The following PDE9A variants were observed in gnomAD, a reference collection of about 807,000 sequenced individuals.
PDE9A encodes phosphodiesterase 9A, also known as high affinity cGMP-specific 3',5'-cyclic phosphodiesterase 9A.
In PDE9A, 60 loss-of-function variants were observed where a neutral mutation model predicts 87.4. The ratio of observed to expected loss-of-function variants is 0.69; its 90% CI spans 0.56 to 0.85. PDE9A has a LOEUF of 0.85. Ranked by LOEUF, PDE9A falls within the 40% of genes least tolerant of loss-of-function variation. The pLI, the probability that PDE9A is intolerant of heterozygous loss-of-function variation, is 0.00. For synonymous variants in PDE9A, 272 were observed against 279.4 expected (o/e 0.97, Z 0.27); for missense variants, 665 against 779.0 (o/e 0.85, Z 1.74).
At position 42,702,490 on chromosome 21, in the gene PDE9A, G is replaced by T. The variant is rs1299069336; in HGVS notation, c.262+3479G>T. On this transcript the variant is annotated intron_variant, in intron 4 of 19. Coordinates refer to ENST00000291539, the MANE Select transcript of PDE9A (RefSeq NM_002606.3). This position sits in a 1 kb window ranked among gnomAD's most constrained non-coding sequence, Gnocchi z 4.9. ...TGATTGATTTATCTCCTGGGTATGGGTCATATTTTTCTGATTCTCGTGAAT... is the reference window on the plus strand; with the variant it reads ...TGATTGATTTATCTCCTGGGTATGGTTCATATTTTTCTGATTCTCGTGAAT... Among the ~76,000 whole-genome samples, 10 of 152,098 alleles carry T rather than the reference G, an allele frequency of 6.6e-5. No homozygotes were observed. The highest frequency in any genetic ancestry group is 1.3e-4 in the Non-Finnish European group (9 of 68,024).
chr21:42,691,167 A>G (rs1407026701), intron 3 of PDE9A, among the ~76,000 whole-genome samples: 1 of 149,578 alleles, frequency 6.7e-6, no homozygotes, highest in African/African-American at 2.5e-5. Context: ...CACCATCACC[A>G]TCCAAAGTCA....
rs10711885 is a variant in PDE9A, at chr21:42,699,567, TAAA to T, written c.262+563_262+565del. Reference sequence around the variant, plus strand: ...CTTTTTCTTTTTCTTTTTTTTTTTTTAAAAAAAAACGGAGTCTGGTCCTGTCAC... The same window carrying T: ...CTTTTTCTTTTTCTTTTTTTTTTTTTAAAAAACGGAGTCTGGTCCTGTCAC... On this transcript the variant is annotated intron_variant, in intron 4 of 19. Transcript: ENST00000291539. Among the ~76,000 whole-genome samples the T allele has an allele frequency of 9.3e-3, 1,373 of 147,856 alleles. 12 individuals carry two copies. Among genetic ancestry groups the T allele is most frequent in the Middle Eastern group, 0.029 (8 of 280 alleles).
chr21:42,671,459 T>C (rs897396355), intron 1 of PDE9A, among the ~76,000 whole-genome samples: 1 of 152,172 alleles, frequency 6.6e-6, no homozygotes, highest in Admixed American at 6.5e-5. Context: ...TTTTAGCAAA[T>C]AGAGAAGCAG....
At chr21:42,657,451 G>A (rs778368811) in intron 1 of PDE9A, among the ~76,000 whole-genome samples, 6 of 152,236 alleles carry the variant, frequency 3.9e-5, no homozygotes, top group Non-Finnish European at 8.8e-5. Flanking sequence ...TCTAGGAGCT[G>A]AAGCGCTTCG....
rs1454938049 is a variant in PDE9A, at chr21:42,705,545, G to T, written c.262+6534G>T. ...CTCCCTCAGCGTGGCAGATCGCGTG[G>T]GTCCATGGGTCCGTGTGATCTCATG... On this transcript the variant is annotated intron_variant, in intron 4 of 19. Coordinates refer to ENST00000291539, the MANE Select transcript of PDE9A (RefSeq NM_002606.3). The surrounding 1 kb of genome is among the most constrained non-coding windows in gnomAD (Gnocchi z 4.3). Among the ~76,000 whole-genome samples the T allele has an allele frequency of 6.6e-6, 1 of 152,042 alleles. No individual in the cohort carries two copies. The highest frequency in any genetic ancestry group is 1.5e-5 in the Non-Finnish European group (1 of 68,002).
intron 1 of PDE9A, among the ~76,000 whole-genome samples, chr21:42,680,370 C>G (rs752997581): frequency 6.6e-6 from 1 of 152,246 alleles, no homozygotes; most frequent in Non-Finnish European, 1.5e-5. Flanking sequence ...GCAAGGCATG[C>G]GCAGGACAGC....
At chr21:42,747,186 T>C (rs1393182684) in intron 8 of PDE9A, among the ~76,000 whole-genome samples, 3 of 152,184 alleles carry the variant, frequency 2.0e-5, no homozygotes, top group Non-Finnish European at 4.4e-5. Flanking sequence ...GTTGTCCCTT[T>C]TGTCTTTGTC....
intron 1 of PDE9A, among the ~76,000 whole-genome samples, chr21:42,662,030 T>C (rs2057540010): frequency 6.6e-6 from 1 of 152,246 alleles, no homozygotes; most frequent in Non-Finnish European, 1.5e-5. Flanking sequence ...TCACCCTCTC[T>C]GTGCCTCAGT....
At position 42,687,913 on chromosome 21, in the gene PDE9A, C is replaced by G. The variant is rs2059566038; in HGVS notation, c.141-4C>G. The stretch of plus-strand genomic sequence containing the variant: ...GAAAACACGGGCTTGGGTGTGTTTT[C>G]CAGGAACACGACCATCTCCCTGCTG... On this transcript the variant is annotated splice_polypyrimidine_tract_variant and splice_region_variant and intron_variant, in intron 2 of 19. Coordinates refer to ENST00000291539, the MANE Select transcript of PDE9A (RefSeq NM_002606.3). The G allele has an allele frequency of 1.2e-6, 2 of 1,612,696 alleles. No individual in the cohort carries two copies. The highest frequency in any genetic ancestry group is 2.7e-5 in the African/African-American group (2 of 74,898).
Position 42,745,617 on chromosome 21 carries a change from C to T in PDE9A, c.653+1757C>T, listed in dbSNP as rs540351854. 3.9e-4 allele frequency among the ~76,000 whole-genome samples: 59 copies of T among 152,330 alleles called. No homozygotes were observed. The South Asian group carries it at 0.011, about 27-fold the overall frequency. Reference sequence around the variant, plus strand: ...CACACAGCACCTTCACCTGTGGCACCGCCCTTGGCCGTGGGCTCTACGTGG... The same window carrying T: ...CACACAGCACCTTCACCTGTGGCACTGCCCTTGGCCGTGGGCTCTACGTGG... On this transcript the variant is annotated intron_variant, in intron 8 of 19. Coordinates refer to ENST00000291539, the MANE Select transcript of PDE9A (RefSeq NM_002606.3).
chr21:42,674,706 A>G (rs529102438), intron 1 of PDE9A, among the ~76,000 whole-genome samples: 2 of 151,352 alleles, frequency 1.3e-5, no homozygotes, highest in South Asian at 4.2e-4. Flanking sequence ...CTCTCCTACC[A>G]CCAGCCTCTC....
At chr21:42,719,863 G>A (rs567195367) in intron 4 of PDE9A, among the ~76,000 whole-genome samples, 8 of 152,148 alleles carry the variant, frequency 5.3e-5, no homozygotes, top group Admixed American at 2.6e-4. Flanking sequence ...GCTTTGGTTT[G>A]CAAAAATGAC....
Position 42,732,050 on chromosome 21 carries a change from C to G in PDE9A, c.443-20C>G, listed in dbSNP as rs924257061. The stretch of plus-strand genomic sequence containing the variant: ...TTCCTCTTGTCCGTGTTCCATCTGT[C>G]TTTCTTCTTTGGTTTGTAGAGAGAG... On this transcript the variant is annotated intron_variant, in intron 5 of 19. Coordinates refer to ENST00000291539, the MANE Select transcript of PDE9A (RefSeq NM_002606.3). 4 of 1,613,978 alleles carry G rather than the reference C, an allele frequency of 2.5e-6. No homozygotes were observed. The highest frequency in any genetic ancestry group is 3.4e-6 in the Non-Finnish European group (4 of 1,179,806).
intron 1 of PDE9A, among the ~76,000 whole-genome samples, chr21:42,661,569 T>G (rs2057495656): frequency 6.6e-6 from 1 of 152,202 alleles, no homozygotes; most frequent in Non-Finnish European, 1.5e-5. Context: ...CCGAATTTCC[T>G]GCCTTTTTAA....
chr21:42,683,504 T>C (rs1474002889), intron 1 of PDE9A, among the ~76,000 whole-genome samples: 1 of 152,102 alleles, frequency 6.6e-6, no homozygotes, highest in Admixed American at 6.5e-5. Flanking sequence ...TTCAAAGAAG[T>C]TGAGTTGAGA....
At position 42,762,066 on chromosome 21, in the gene PDE9A, C is replaced by G. The variant is rs1486950042; in HGVS notation, c.1086-17C>G. 1 of 1,610,348 alleles carries G rather than the reference C, an allele frequency of 6.2e-7. No homozygotes were observed. The highest frequency in any genetic ancestry group is 2.2e-5 in the East Asian group (1 of 44,854). On this transcript the variant is annotated splice_polypyrimidine_tract_variant and intron_variant, in intron 13 of 19. Transcript: ENST00000291539. ...GAGGGCGCCTGAGTCTCCCCTCACT[C>G]TCTCCTTGCCTCCCAGGTACCAGAT...
At chr21:42,748,128 T>C (rs879830313) in intron 8 of PDE9A, among the ~76,000 whole-genome samples, 20 of 152,340 alleles carry the variant, frequency 1.3e-4, no homozygotes, top group African/African-American at 4.1e-4. Flanking sequence ...TCCTGGGGAA[T>C]GCAGGAGACT....
Position 42,760,999 on chromosome 21 carries a change from A to T in PDE9A, c.1085+92A>T, listed in dbSNP as rs145403207. The T allele has an allele frequency of 1.2e-6, 1 of 841,042 alleles. No individual in the cohort carries two copies. Among genetic ancestry groups the T allele is most frequent in the Admixed American group, 1.8e-5 (1 of 54,922 alleles). The allele number at this position is 841,042 out of a possible 1,614,324, so 52.1% of individuals were successfully genotyped here. Reference sequence around the variant, plus strand: ...GCCCAACCCTCAGAGCAGTTCCCAGATGGAGCTGTCAACGACGGCCTCCCA... The same window carrying T: ...GCCCAACCCTCAGAGCAGTTCCCAGTTGGAGCTGTCAACGACGGCCTCCCA... On this transcript the variant is annotated intron_variant, in intron 13 of 19. Transcript: ENST00000291539. The surrounding 1 kb of genome is among the most constrained non-coding windows in gnomAD (Gnocchi z 5.2).
At chr21:42,731,434 A>G (rs2146712797) in intron 4 of PDE9A, among the ~76,000 whole-genome samples, 2 of 152,288 alleles carry the variant, frequency 1.3e-5, no homozygotes, top group African/African-American at 4.8e-5. Context: ...CACCTTGCTG[A>G]CAAGGACAGC....
Sources: allele counts gnomAD v4.1 joint callset (sites outside exome capture counted in the v4.1 genomes callset), GRCh38; gene constraint gnomAD v4.1.1; non-coding constraint Gnocchi (gnomAD v3.1); transcripts MANE v1.5; gene names NCBI Gene and HGNC (gene_info 2026-07-23, HGNC 2026-07-21).